The following RABGAP1L variants were observed in gnomAD, a reference collection of about 807,000 sequenced individuals.
RABGAP1L encodes the protein RAB GTPase activating protein 1 like.
RABGAP1L carries 63 observed loss-of-function variants against 137.7 expected under a neutral mutation model. The observed-to-expected ratio is 0.46, with a 90% CI of 0.37 to 0.56. The LOEUF (loss-of-function observed/expected upper bound fraction) is 0.56, where lower values mean the gene tolerates loss of function less well. Among genes scored for constraint, RABGAP1L ranks in the 20% least tolerant of loss-of-function variants. RABGAP1L has a pLI of 0.00. For missense variants in RABGAP1L, 1,095 were observed against 1,244.0 expected, an observed-to-expected ratio of 0.88 and a Z score of 1.80; for synonymous variants, 431 against 433.7, an observed-to-expected ratio of 0.99 and a Z score of 0.08.
intron 10 of RABGAP1L, among the ~76,000 whole-genome samples, chr1:174,281,526 A>C (rs1675549635): frequency 6.6e-6 from 1 of 152,186 alleles, no homozygotes; most frequent in African/African-American, 2.4e-5. Flanking sequence ...CCCGACCCAG[A>C]AGCCCAGCCG....
At chr1:174,796,511 TC>T (rs1219106952) in intron 18 of RABGAP1L, among the ~76,000 whole-genome samples, 1 of 152,182 alleles carries the variant, frequency 6.6e-6, no homozygotes, top group Non-Finnish European at 1.5e-5. Flanking sequence ...AACATTCTAT[TC>T]TGAAAGAATA....
intron 13 of RABGAP1L, among the ~76,000 whole-genome samples, chr1:174,470,583 A>G (rs1396473896): frequency 6.6e-6 from 1 of 152,152 alleles, no homozygotes; most frequent in Non-Finnish European, 1.5e-5. Context: ...CCTGGCCAAC[A>G]TGGTGAAACC....
intron 10 of RABGAP1L, among the ~76,000 whole-genome samples, chr1:174,296,115 G>T (rs1677107573): frequency 1.3e-5 from 2 of 152,152 alleles, no homozygotes; most frequent in African/African-American, 4.8e-5. Flanking sequence ...GTCAGGAAAG[G>T]CAAGAGAGGA....
intron 13 of RABGAP1L, among the ~76,000 whole-genome samples, chr1:174,532,282 C>T (rs1664484284): frequency 6.6e-6 from 1 of 151,680 alleles, no homozygotes; most frequent in Non-Finnish European, 1.5e-5. Flanking sequence ...AGTCTCAGCT[C>T]ACCGCAGCCT....
At chr1:174,228,357 A>G (rs1477552749) in intron 3 of RABGAP1L, among the ~76,000 whole-genome samples, 1 of 151,752 alleles carries the variant, frequency 6.6e-6, no homozygotes, top group Non-Finnish European at 1.5e-5. Flanking sequence ...ACTGGTTCAC[A>G]TTCATCTTAT....
intron 13 of RABGAP1L, among the ~76,000 whole-genome samples, chr1:174,420,102 G>C (rs1291945412): frequency 6.6e-6 from 1 of 152,056 alleles, no homozygotes; most frequent in Non-Finnish European, 1.5e-5. Flanking sequence ...TGAGAGAAGA[G>C]GGCTTTAATG....
intron 18 of RABGAP1L, among the ~76,000 whole-genome samples, chr1:174,768,950 T>A (rs1468159253): frequency 1.3e-5 from 2 of 152,184 alleles, no homozygotes; most frequent in African/African-American, 4.8e-5. Flanking sequence ...TTTGTCTTGT[T>A]CCTGATCTCT....
intron 13 of RABGAP1L, among the ~76,000 whole-genome samples, chr1:174,599,336 C>G (rs1670241779): frequency 6.6e-6 from 1 of 152,076 alleles, no homozygotes; most frequent in African/African-American, 2.4e-5. Context: ...ATAGTTTTAT[C>G]TTTTGATCTT....
At chr1:174,849,650 G>A (rs1344880756) in intron 19 of RABGAP1L, 4 of 399,722 alleles carry the variant, frequency 1.0e-5, no homozygotes, top group African/African-American at 2.1e-5. Context: ...AGTACACTTA[G>A]GAATTTGTTG....
At chr1:174,918,828 C>G (rs1008147917) in intron 19 of RABGAP1L, among the ~76,000 whole-genome samples, 3 of 59,978 alleles carry the variant, frequency 5.0e-5, no homozygotes, top group African/African-American at 1.7e-4. Context: ...GACCCACCCC[C>G]CCGATCTCTA....
chr1:174,466,398 A>G (rs941292378), intron 13 of RABGAP1L, among the ~76,000 whole-genome samples: 1 of 152,224 alleles, frequency 6.6e-6, no homozygotes, highest in Non-Finnish European at 1.5e-5. Context: ...GAGTAAGGCC[A>G]TAGGTCTACC....
intron 1 of RABGAP1L, among the ~76,000 whole-genome samples, chr1:174,197,949 C>A (rs1172518230): frequency 6.6e-6 from 1 of 152,000 alleles, no homozygotes; most frequent in African/African-American, 2.4e-5. Context: ...AGAAGATGGA[C>A]CCAATAATTA....
chr1:174,600,190 C>T (rs182678722), intron 13 of RABGAP1L, among the ~76,000 whole-genome samples: 112 of 152,240 alleles, frequency 7.4e-4, no homozygotes, highest in Middle Eastern at 3.4e-3. Context: ...AAGAATAGCA[C>T]GGGAAAGACC....
Position 174,172,477 on chromosome 1 carries a change from A to G in RABGAP1L, c.-34+12820A>G, listed in dbSNP as rs531028369. On this transcript the variant is annotated intron_variant, in intron 1 of 25. Coordinates refer to ENST00000681986, the MANE Select transcript of RABGAP1L (RefSeq NM_001366446.1). ...CAATTTACATTTTCAACAACAGTGT[A>G]CAAGGGTTTCCTTTTCTCCACACTT... 6.6e-5 allele frequency among the ~76,000 whole-genome samples: 10 copies of G among 152,330 alleles called. No homozygotes were observed. The South Asian group carries it at 2.1e-3, about 32-fold the overall frequency.
In RABGAP1L at chr1:174,441,504, G is replaced by A. The variant is rs140850388; in HGVS notation, c.1710+47359G>A. ...AATCCCAGCACTTTGGGAGGCTGAGGGGGGTGGATTACTTGAAGTCAGGAG... is the reference window on the plus strand; with the variant it reads ...AATCCCAGCACTTTGGGAGGCTGAGAGGGGTGGATTACTTGAAGTCAGGAG... On this transcript the variant is annotated intron_variant, in intron 13 of 25. Transcript: ENST00000681986. 2.2e-4 allele frequency among the ~76,000 whole-genome samples: 34 copies of A among 152,252 alleles called. No homozygotes were observed. The East Asian group carries it at 5.8e-3, about 26-fold the overall frequency.
At chr1:174,720,736 AGATTAGTTTCCTAGAGTT>A (rs1164319894) in intron 17 of RABGAP1L, among the ~76,000 whole-genome samples, 1 of 152,190 alleles carries the variant, frequency 6.6e-6, no homozygotes, top group East Asian at 1.9e-4. Context: ...GATAGAAAGT[AGATTAGTTTCCTAGAGTT>A]GAAGAGAGGA....
At chr1:174,628,527 G>T (rs572814147) in intron 13 of RABGAP1L, among the ~76,000 whole-genome samples, 1 of 152,064 alleles carries the variant, frequency 6.6e-6, no homozygotes, top group South Asian at 2.1e-4. Context: ...TCTAAATAAT[G>T]TTATTTTAAG....
At chr1:174,601,922 T>C (rs1670444944) in intron 13 of RABGAP1L, among the ~76,000 whole-genome samples, 1 of 152,152 alleles carries the variant, frequency 6.6e-6, no homozygotes. Flanking sequence ...TTTGCCCCAT[T>C]TCCCAACAAG....
Position 174,854,715 on chromosome 1 carries a change from C to CTTTTTTTTTTTTTTTTTTTT in RABGAP1L, c.2340+42781_2340+42800dup, listed in dbSNP as rs71117584. 1.9e-4 allele frequency among the ~76,000 whole-genome samples: 11 copies of CTTTTTTTTTTTTTTTTTTTT among 56,868 alleles called. 2 individuals carry two copies. The highest frequency in any genetic ancestry group is 3.1e-4 in the Non-Finnish European group (9 of 29,352). The allele number at this position is 56,868 out of a possible 152,430, so 37.3% of individuals were successfully genotyped here. On this transcript the variant is annotated intron_variant, in intron 19 of 25. Transcript: ENST00000681986. ...AACTGCAATAGACTCAATATAAATGCTTTTTTTTTTTTTTTTTTTTTTTTT... is the reference window on the plus strand; with the variant it reads ...AACTGCAATAGACTCAATATAAATGCTTTTTTTTTTTTTTTTTTTTTTTTTTTTTTTTTTTTTTTTTTTTT...
Sources: gnomAD v4.1 joint callset for allele counts (sites outside exome capture counted in the v4.1 genomes callset) on GRCh38, gnomAD v4.1.1 for gene constraint, MANE v1.5 for transcripts, NCBI Gene and HGNC (gene_info 2026-07-23, HGNC 2026-07-21) for gene names.